The following NELL2 variants were observed in gnomAD, a reference collection of about 807,000 sequenced individuals.
NELL2 encodes the protein protein kinase C-binding protein NELL2.
Under a neutral mutation model 109.6 loss-of-function variants are expected in NELL2, and 41 were observed. The observed-to-expected ratio is 0.37, with a 90% CI of 0.29 to 0.49. The LOEUF (loss-of-function observed/expected upper bound fraction) is 0.49. Ranked by LOEUF, NELL2 falls within the 20% of genes least tolerant of loss-of-function variation. The pLI is 0.98. For missense variants in NELL2, 900 were observed against 1,008.3 expected (o/e 0.89, Z 1.45); for synonymous variants, 355 against 344.7 (o/e 1.03, Z -0.33).
chr12:44,650,802 C>G (rs1270521305), intron 13 of NELL2, among the ~76,000 whole-genome samples: 1 of 151,992 alleles, frequency 6.6e-6, no homozygotes, highest in Non-Finnish European at 1.5e-5. Context: ...CTCCTAAAGG[C>G]CACATGAGGA....
At chr12:44,664,968 A>T (rs931624654) in intron 13 of NELL2, among the ~76,000 whole-genome samples, 49 of 152,152 alleles carry the variant, frequency 3.2e-4, no homozygotes, top group African/African-American at 1.2e-3. Context: ...AAGACTTTAG[A>T]TGATACTAAA....
In NELL2 at chr12:44,680,467, T is replaced by A. The variant is rs183835346; in HGVS notation, c.1319-14858A>T. ...TTCTTCATATTAAAGAAAAATTACT[T>A]GGAGGAAATTTAAAAATGTAATTAA... On this transcript the variant is annotated intron_variant, in intron 12 of 19. Transcript: ENST00000429094. 1.7e-3 allele frequency among the ~76,000 whole-genome samples: 252 copies of A among 152,296 alleles called. 1 individual carries two copies. Among genetic ancestry groups the A allele is most frequent in the Non-Finnish European group, 3.1e-3 (214 of 68,022 alleles).
At chr12:44,562,091 G>A (rs1943487598) in intron 15 of NELL2, among the ~76,000 whole-genome samples, 1 of 152,202 alleles carries the variant, frequency 6.6e-6, no homozygotes, top group African/African-American at 2.4e-5. Flanking sequence ...AATAAATGGT[G>A]CTGGGAAAAC....
intron 15 of NELL2, among the ~76,000 whole-genome samples, chr12:44,578,934 G>A (rs1330905684): frequency 6.6e-6 from 1 of 152,058 alleles, no homozygotes; most frequent in Non-Finnish European, 1.5e-5. Flanking sequence ...TCACAACTTA[G>A]TTTTTTTCTC....
chr12:44,744,155 A>T (rs566132443), intron 9 of NELL2, among the ~76,000 whole-genome samples: 3 of 152,140 alleles, frequency 2.0e-5, no homozygotes, highest in Admixed American at 6.6e-5. Context: ...CTCACTCAAA[A>T]CCGCTCAACT....
At chr12:44,802,399 G>A (rs1942861259) in intron 3 of NELL2, among the ~76,000 whole-genome samples, 1 of 152,034 alleles carries the variant, frequency 6.6e-6, no homozygotes, top group African/African-American at 2.4e-5. Flanking sequence ...AGTCATATCA[G>A]GATGAATGTA....
intron 1 of NELL2, among the ~76,000 whole-genome samples, chr12:44,903,951 G>A (rs1945691761): frequency 6.6e-6 from 1 of 151,948 alleles, no homozygotes; most frequent in African/African-American, 2.4e-5. Flanking sequence ...ATGGGTTGAT[G>A]GGTGCAGCAA....
intron 9 of NELL2, among the ~76,000 whole-genome samples, chr12:44,754,483 T>C (rs1592466070): frequency 1.3e-5 from 2 of 152,196 alleles, no homozygotes; most frequent in African/African-American, 4.8e-5. Flanking sequence ...TTTACATTAC[T>C]AAAGTCATTC....
intron 3 of NELL2, among the ~76,000 whole-genome samples, chr12:44,798,661 T>C (rs956841029): frequency 6.6e-6 from 1 of 152,124 alleles, no homozygotes; most frequent in Non-Finnish European, 1.5e-5. Flanking sequence ...CAAGTACATA[T>C]ATCTAACATA....
intron 12 of NELL2, among the ~76,000 whole-genome samples, chr12:44,683,276 T>C (rs1185484987): frequency 6.6e-6 from 1 of 152,020 alleles, no homozygotes; most frequent in African/African-American, 2.4e-5. Context: ...TTTTGTATCC[T>C]GAGACTTTGC....
chr12:44,565,147 G>A (rs1231058673), intron 15 of NELL2, among the ~76,000 whole-genome samples: 1 of 152,090 alleles, frequency 6.6e-6, no homozygotes, highest in Admixed American at 6.6e-5. Context: ...GCACTAAGAA[G>A]CCAAGAATGT....
chr12:44,609,987 A>G (rs937315542), intron 14 of NELL2, among the ~76,000 whole-genome samples: 1 of 151,954 alleles, frequency 6.6e-6, no homozygotes, highest in South Asian at 2.1e-4. Context: ...CACAGTTTCC[A>G]AAAAGGTCTT....
intron 16 of NELL2, 123 bp downstream of exon 16, chr12:44,532,458 A>T (rs565280266): frequency 1.1e-5 from 9 of 808,010 alleles, no homozygotes; most frequent in Non-Finnish European, 1.6e-5. Flanking sequence ...ATTTCCAATC[A>T]CTGTTGTATA....
At position 44,852,391 on chromosome 12, in the gene NELL2, G is replaced by T. The variant is rs191761358; in HGVS notation, c.184+22834C>A. Among the ~76,000 whole-genome samples, 196 of 152,266 alleles carry T rather than the reference G, an allele frequency of 1.3e-3. 1 individual carries two copies. Among genetic ancestry groups the T allele is most frequent in the African/African-American group, 4.5e-3 (189 of 41,552 alleles). ...TCATGTTGTTATATAACTTTAGAAA[G>T]TCTAAAATGAGGTAGCTCAGCATTT... On this transcript the variant is annotated intron_variant, in intron 2 of 19. Coordinates refer to ENST00000429094, the MANE Select transcript of NELL2 (RefSeq NM_001145108.2).
rs553724732 is a variant in NELL2 at position 44,726,669 on chromosome 12, C to T, written c.995-11928G>A. ...GATTGCAATTGCTTTCAAATGCTTG[C>T]ATTTTATGTTAAAGACTTACCGTGT... On this transcript the variant is annotated intron_variant, in intron 9 of 19. Coordinates refer to ENST00000429094, the MANE Select transcript of NELL2 (RefSeq NM_001145108.2). 1.3e-3 allele frequency among the ~76,000 whole-genome samples: 200 copies of T among 152,182 alleles called. 1 individual carries two copies. The highest frequency in any genetic ancestry group is 4.5e-3 in the African/African-American group (188 of 41,546).
chr12:44,670,227 A>C (rs936113304), intron 12 of NELL2, among the ~76,000 whole-genome samples: 2 of 152,188 alleles, frequency 1.3e-5, no homozygotes, highest in Admixed American at 1.3e-4. Context: ...TACCAGCCCT[A>C]CAAAAAATGT....
At chr12:44,747,380 C>T (rs981483784) in intron 9 of NELL2, among the ~76,000 whole-genome samples, 1 of 152,014 alleles carries the variant, frequency 6.6e-6, no homozygotes, top group Non-Finnish European at 1.5e-5. Context: ...AGCACACCAA[C>T]ATGGCACATG....
At chr12:44,768,747 C>A (rs1941434132) in intron 9 of NELL2, among the ~76,000 whole-genome samples, 1 of 142,338 alleles carries the variant, frequency 7.0e-6, no homozygotes, top group Admixed American at 7.0e-5. Flanking sequence ...CTTTTGATTG[C>A]TACTTCTACC....
intron 1 of NELL2, among the ~76,000 whole-genome samples, chr12:44,908,365 G>A (rs773738899): frequency 1.3e-5 from 2 of 151,924 alleles, no homozygotes; most frequent in Non-Finnish European, 2.9e-5. Context: ...ACAGATAGTA[G>A]GTAGGTAAAG....
Sources: allele counts gnomAD v4.1 joint callset (sites outside exome capture counted in the v4.1 genomes callset), GRCh38; gene constraint gnomAD v4.1.1; transcripts MANE v1.5; gene names NCBI Gene and HGNC (gene_info 2026-07-23, HGNC 2026-07-21).